MPPED2: variants seen among roughly 807,000 people sequenced by gnomAD.
The protein encoded by MPPED2 is metallophosphoesterase MPPED2.
MPPED2 carries 5 observed loss-of-function variants against 33.0 expected under a neutral mutation model. That is an observed-to-expected ratio of 0.15 (90% CI 0.08 to 0.32). The LOEUF (loss-of-function observed/expected upper bound fraction) is 0.32. MPPED2 is among the 10% of genes least tolerant of loss of function. The probability of loss-of-function intolerance (pLI) is 1.00; values close to 1 mark genes in which losing one functional copy is unlikely to be tolerated. For synonymous variants in MPPED2, 136 were observed against 141.9 expected (o/e 0.96, Z 0.29); for missense variants, 275 against 372.1 (o/e 0.74, Z 2.15).
chr11:30,476,454 C>T (rs934662091), intron 4 of MPPED2, among the ~76,000 whole-genome samples: 2 of 151,866 alleles, frequency 1.3e-5, no homozygotes, highest in Non-Finnish European at 2.9e-5. Flanking sequence ...AGGTAAAGGT[C>T]ACGGTTTTCC....
chr11:30,457,419 G>A (rs1480584368), intron 4 of MPPED2, among the ~76,000 whole-genome samples: 2 of 147,418 alleles, frequency 1.4e-5, no homozygotes, highest in East Asian at 4.0e-4. Flanking sequence ...TTTTTAAATT[G>A]CTGAAAGCTG....
intron 2 of MPPED2, among the ~76,000 whole-genome samples, chr11:30,565,999 ATT>A (rs1956425081): frequency 2.0e-5 from 3 of 152,238 alleles, no homozygotes; most frequent in Admixed American, 2.0e-4. Flanking sequence ...TTCTGTAAAA[ATT>A]TTAAGAGTTT....
chr11:30,489,752 CAT>C (rs772937917), intron 4 of MPPED2, among the ~76,000 whole-genome samples: 1 of 152,220 alleles, frequency 6.6e-6, no homozygotes, highest in Admixed American at 6.5e-5. Flanking sequence ...AAGCCCCACT[CAT>C]ATTCATTAAA....
At chr11:30,431,395 C>T (rs1234791867) in intron 4 of MPPED2, among the ~76,000 whole-genome samples, 1 of 152,238 alleles carries the variant, frequency 6.6e-6, no homozygotes, top group Non-Finnish European at 1.5e-5. Context: ...CTGCACCTCT[C>T]TGAATCTGTT....
chr11:30,516,906 C>A (rs1041424851), intron 3 of MPPED2, among the ~76,000 whole-genome samples: 2 of 152,036 alleles, frequency 1.3e-5, no homozygotes, highest in Non-Finnish European at 2.9e-5. Context: ...TCTTACATTC[C>A]CCAACAATTT....
At chr11:30,507,785 A>G (rs574084316) in intron 3 of MPPED2, among the ~76,000 whole-genome samples, 25 of 152,258 alleles carry the variant, frequency 1.6e-4, no homozygotes, top group Admixed American at 9.2e-4. Context: ...CACATTTCCA[A>G]TAGTCTCCGA....
At chr11:30,553,914 TTA>T (rs2134650427) in intron 2 of MPPED2, among the ~76,000 whole-genome samples, 1 of 152,268 alleles carries the variant, frequency 6.6e-6, no homozygotes, top group East Asian at 1.9e-4. Flanking sequence ...CACTGACAAT[TTA>T]TGAGTGTAAA....
At chr11:30,509,078 T>A (rs920742437) in intron 3 of MPPED2, among the ~76,000 whole-genome samples, 4 of 152,192 alleles carry the variant, frequency 2.6e-5, no homozygotes, top group African/African-American at 9.6e-5. Flanking sequence ...TAAGTCCTAT[T>A]TTTATTTTAT....
intron 2 of MPPED2, among the ~76,000 whole-genome samples, chr11:30,566,100 T>C (rs1427698826): frequency 6.6e-6 from 1 of 152,140 alleles, no homozygotes; most frequent in Non-Finnish European, 1.5e-5. Flanking sequence ...ATTCCCATGA[T>C]GACAGATGAC....
chr11:30,451,089 C>T (rs1205717695), intron 4 of MPPED2, among the ~76,000 whole-genome samples: 1 of 152,202 alleles, frequency 6.6e-6, no homozygotes, highest in African/African-American at 2.4e-5. Context: ...GCTAGCGTCA[C>T]CCCTAACTAG....
chr11:30,448,649 C>T (rs1250835029), intron 4 of MPPED2, among the ~76,000 whole-genome samples: 4 of 151,838 alleles, frequency 2.6e-5, no homozygotes, highest in South Asian at 2.1e-4. Context: ...TTTAGAAGGC[C>T]TTTCTTGAAA....
intron 4 of MPPED2, among the ~76,000 whole-genome samples, chr11:30,437,253 G>A (rs2133878048): frequency 6.6e-6 from 1 of 152,284 alleles, no homozygotes; most frequent in South Asian, 2.1e-4. Context: ...CCTTGTGTTT[G>A]TTTTAATACA....
intron 6 of MPPED2, among the ~76,000 whole-genome samples, chr11:30,402,936 G>T (rs1947929653): frequency 6.6e-6 from 1 of 152,040 alleles, no homozygotes; most frequent in Non-Finnish European, 1.5e-5. Context: ...TTTAATTTTG[G>T]TTATTCAGCC....
intron 3 of MPPED2, among the ~76,000 whole-genome samples, chr11:30,520,969 A>C (rs553312393): frequency 3.9e-5 from 6 of 152,306 alleles, no homozygotes; most frequent in African/African-American, 1.4e-4. Flanking sequence ...AGCCCCAACC[A>C]GAAATAACAT....
intron 5 of MPPED2, among the ~76,000 whole-genome samples, chr11:30,415,138 G>T (rs957293534): frequency 6.6e-6 from 1 of 152,126 alleles, no homozygotes; most frequent in Non-Finnish European, 1.5e-5. Context: ...ATTCCACAGC[G>T]CCATTAGGTT....
intron 2 of MPPED2, among the ~76,000 whole-genome samples, chr11:30,568,105 A>G (rs1014578484): frequency 6.6e-6 from 1 of 152,188 alleles, no homozygotes; most frequent in Non-Finnish European, 1.5e-5. Flanking sequence ...GCCACCATAC[A>G]TGGAACATTT....
intron 4 of MPPED2, among the ~76,000 whole-genome samples, chr11:30,437,405 TTAAG>T (rs1376879283): frequency 1.3e-5 from 2 of 152,206 alleles, no homozygotes; most frequent in Non-Finnish European, 2.9e-5. Flanking sequence ...TCATTGACTC[TTAAG>T]TGAGACCTGA....
At chr11:30,483,124 T>G (rs911329549) in intron 4 of MPPED2, among the ~76,000 whole-genome samples, 2 of 152,190 alleles carry the variant, frequency 1.3e-5, no homozygotes, top group Non-Finnish European at 2.9e-5. Flanking sequence ...GTAAGAATTA[T>G]TTAAAAGCGT....
At chr11:30,494,737 C>CAA (rs767500886) in intron 4 of MPPED2, among the ~76,000 whole-genome samples, 15,475 of 47,406 alleles carry the variant, frequency 0.33, 3,378 homozygotes, top group East Asian at 0.65. Context: ...TACTCCACCT[C>CAA]AAAAAAAAAA....
Sources: gnomAD v4.1 joint callset for allele counts (sites outside exome capture counted in the v4.1 genomes callset) on GRCh38, gnomAD v4.1.1 for gene constraint, MANE v1.5 for transcripts, NCBI Gene and HGNC (gene_info 2026-07-23, HGNC 2026-07-21) for gene names.